Variants in NAV2 observed in about 807,000 individuals in gnomAD.
The protein encoded by NAV2 is helicase, APC down-regulated 1.
A neutral mutation model predicts 223.2 loss-of-function variants in NAV2; 54 were observed. That is an observed-to-expected ratio of 0.24 (90% confidence interval 0.19 to 0.30). NAV2 has a LOEUF of 0.30. Among genes scored for constraint, NAV2 ranks in the 10% least tolerant of loss-of-function variants. The probability of loss-of-function intolerance (pLI) is 1.00; values close to 1 mark genes in which losing one functional copy is unlikely to be tolerated. For synonymous variants in NAV2, 1,279 were observed against 1,239.3 expected, an observed-to-expected ratio of 1.03 and a Z score of -0.67; for missense variants, 2,806 against 3,147.5, an observed-to-expected ratio of 0.89 and a Z score of 2.60.
At chr11:19,528,196 G>A (rs1005878043) in intron 1 of NAV2, among the ~76,000 whole-genome samples, 2 of 152,092 alleles carry the variant, frequency 1.3e-5, no homozygotes, top group Non-Finnish European at 2.9e-5. Context: ...GACCATGGAG[G>A]GACAAAGGGA....
At chr11:19,658,662 C>T (rs546490759) in intron 1 of NAV2, among the ~76,000 whole-genome samples, 19 of 152,154 alleles carry the variant, frequency 1.2e-4, no homozygotes, top group Non-Finnish European at 2.5e-4. Flanking sequence ...GCAGTATCCC[C>T]GTGCAGGCTC....
intron 1 of NAV2, among the ~76,000 whole-genome samples, chr11:19,656,989 C>T (rs1461732907): frequency 2.0e-5 from 3 of 152,034 alleles, no homozygotes; most frequent in African/African-American, 4.8e-5. Context: ...GAGGGAAAGG[C>T]CTGCAGAGGG....
Position 20,013,604 on chromosome 11 carries a change from C to T in NAV2, c.2769-22355C>T, listed in dbSNP as rs570644088. ...GAAATACCAAAGCTAAGGTATAGAA[C>T]AGGTTTTCTTACAAGAGAAATTACG... On this transcript the variant is annotated intron_variant, in intron 11 of 37. Transcript: ENST00000349880. Among the ~76,000 whole-genome samples the T allele has an allele frequency of 2.0e-5, 3 of 151,988 alleles. No individual in the cohort carries two copies. In the South Asian group the frequency reaches 6.2e-4, roughly 32 times the overall value.
intron 6 of NAV2, among the ~76,000 whole-genome samples, chr11:19,900,616 G>C (rs2042371687): frequency 6.6e-6 from 1 of 152,148 alleles, no homozygotes; most frequent in Non-Finnish European, 1.5e-5. Flanking sequence ...CCCCAAGGGA[G>C]TATGTAACAG....
intron 6 of NAV2, among the ~76,000 whole-genome samples, chr11:19,900,631 A>G (rs78545293): frequency 0.015 from 2,305 of 152,250 alleles, 62 homozygotes; most frequent in African/African-American, 0.053. Context: ...TAACAGCCCC[A>G]TAAGTATAAA....
intron 11 of NAV2, chr11:20,023,080 G>A: frequency 6.4e-7 from 1 of 1,551,702 alleles, no homozygotes. Context: ...TTTGTCCGCT[G>A]TTCTCCAAGG....
intron 1 of NAV2, among the ~76,000 whole-genome samples, chr11:19,520,767 G>C (rs1003014359): frequency 3.3e-5 from 5 of 152,224 alleles, no homozygotes; most frequent in African/African-American, 1.2e-4. Context: ...GGGCCCAGTG[G>C]TGTGTCTCCA....
chr11:19,499,091 G>A (rs2042884999), intron 1 of NAV2, among the ~76,000 whole-genome samples: 1 of 152,242 alleles, frequency 6.6e-6, no homozygotes, highest in South Asian at 2.1e-4. Flanking sequence ...CCTCTGGGCT[G>A]TTATATTTCT....
At chr11:19,590,288 G>T (rs1179132806) in intron 1 of NAV2, among the ~76,000 whole-genome samples, 1 of 152,156 alleles carries the variant, frequency 6.6e-6, no homozygotes, top group Non-Finnish European at 1.5e-5. Flanking sequence ...AGCTTAGGGG[G>T]TTTTAAACCT....
intron 1 of NAV2, among the ~76,000 whole-genome samples, chr11:19,782,822 G>C (rs562267243): frequency 1.3e-5 from 2 of 152,228 alleles, no homozygotes; most frequent in African/African-American, 2.4e-5. Context: ...TTAGAGTGAA[G>C]GGTTAGAATG....
At chr11:19,839,654 A>G (rs1051035109) in intron 2 of NAV2, among the ~76,000 whole-genome samples, 1 of 152,254 alleles carries the variant, frequency 6.6e-6, no homozygotes, top group African/African-American at 2.4e-5. Context: ...GCCAGGGATG[A>G]TAAGTGCATA....
chr11:19,897,830 T>G (rs1003672227), intron 6 of NAV2, among the ~76,000 whole-genome samples: 2 of 148,476 alleles, frequency 1.3e-5, no homozygotes, highest in African/African-American at 5.0e-5. Context: ...TGCCTTTGAT[T>G]TCGTTTTCTC....
At chr11:19,555,533 C>T (rs1047651051) in intron 1 of NAV2, among the ~76,000 whole-genome samples, 6 of 152,170 alleles carry the variant, frequency 3.9e-5, no homozygotes, top group African/African-American at 1.4e-4. Context: ...AACTCCAACC[C>T]GTATGAGTTT....
chr11:19,617,972 C>A (rs552143581), intron 1 of NAV2, among the ~76,000 whole-genome samples: 60 of 152,290 alleles, frequency 3.9e-4, no homozygotes, highest in Middle Eastern at 3.4e-3. Context: ...TCCTTCAAGA[C>A]TTGCCTAAAA....
At chr11:19,916,286 G>A (rs1365740325) in intron 6 of NAV2, among the ~76,000 whole-genome samples, 1 of 152,114 alleles carries the variant, frequency 6.6e-6, no homozygotes, top group Non-Finnish European at 1.5e-5. Context: ...GTCATTTTCA[G>A]TACCAGATAC....
At chr11:19,901,293 T>C (rs1008496173) in intron 6 of NAV2, among the ~76,000 whole-genome samples, 1 of 152,210 alleles carries the variant, frequency 6.6e-6, no homozygotes, top group Non-Finnish European at 1.5e-5. Context: ...ACGCCTGTAA[T>C]CCCAGCACTT....
At chr11:19,734,061 A>G (rs2052051610) in intron 1 of NAV2, among the ~76,000 whole-genome samples, 1 of 152,126 alleles carries the variant, frequency 6.6e-6, no homozygotes, top group Admixed American at 6.5e-5. Context: ...GTGGACTTTG[A>G]GGCTGGAGAA....
chr11:19,597,007 C>T (rs1431729717), intron 1 of NAV2, among the ~76,000 whole-genome samples: 1 of 152,214 alleles, frequency 6.6e-6, no homozygotes, highest in Non-Finnish European at 1.5e-5. Flanking sequence ...CCCCTGACTC[C>T]ACCAACTGCC....
intron 1 of NAV2, among the ~76,000 whole-genome samples, chr11:19,365,943 G>A (rs1848262358): frequency 6.6e-6 from 1 of 152,250 alleles, no homozygotes; most frequent in Non-Finnish European, 1.5e-5. Flanking sequence ...ATGAGTGAAA[G>A]CCCAAAGGGA....
Sources: allele counts gnomAD v4.1 joint callset (sites outside exome capture counted in the v4.1 genomes callset), GRCh38; gene constraint gnomAD v4.1.1; transcripts MANE v1.5; gene names NCBI Gene and HGNC (gene_info 2026-07-23, HGNC 2026-07-21).